The following ARMC2 variants were observed in gnomAD, a reference collection of about 807,000 sequenced individuals.
The protein encoded by ARMC2 is armadillo repeat-containing protein 2.
Under a neutral mutation model 90.3 loss-of-function variants are expected in ARMC2, and 67 were observed. The observed-to-expected ratio is 0.74, with a 90% CI of 0.61 to 0.91. The LOEUF (loss-of-function observed/expected upper bound fraction) is 0.91. ARMC2 is among the 40% of genes least tolerant of loss of function. The pLI is 0.00. For synonymous variants in ARMC2, 393 were observed against 393.0 expected, an observed-to-expected ratio of 1.00 and a Z score of 0.00; for missense variants, 920 against 1,030.9, an observed-to-expected ratio of 0.89 and a Z score of 1.47.
intron 11 of ARMC2, among the ~76,000 whole-genome samples, chr6:108,929,511 G>GCC (rs1775358179): frequency 6.6e-6 from 1 of 152,094 alleles, no homozygotes; most frequent in South Asian, 2.1e-4. Flanking sequence ...GTCTCGCTTT[G>GCC]TCACCCAGGC....
chr6:108,982,459 A>C, the ARMC2 span, among the ~76,000 whole-genome samples: 1 of 152,214 alleles, frequency 6.6e-6, no homozygotes, highest in Admixed American at 6.5e-5. Context: ...CAACATGTGA[A>C]TTTTGGGGGA....
chr6:108,990,455 G>C, the ARMC2 span, among the ~76,000 whole-genome samples: 5 of 152,328 alleles, frequency 3.3e-5, no homozygotes, highest in South Asian at 4.1e-4. Flanking sequence ...CTCCTGCCTA[G>C]CTAGGAAAGA....
At chr6:108,904,658 A>AG (rs1414503014) in intron 8 of ARMC2, among the ~76,000 whole-genome samples, 3 of 147,662 alleles carry the variant, frequency 2.0e-5, no homozygotes, top group Non-Finnish European at 4.5e-5. Context: ...AAAAAAAAAA[A>AG]AAGAAGAAGA....
chr6:108,928,505 A>G (rs1469743702), intron 11 of ARMC2, among the ~76,000 whole-genome samples: 2 of 152,164 alleles, frequency 1.3e-5, no homozygotes, highest in East Asian at 3.8e-4. Context: ...TGTGTGTTTA[A>G]TCTTCCTCTC....
At chr6:109,005,962 C>G in the ARMC2 span, among the ~76,000 whole-genome samples, 1 of 152,176 alleles carries the variant, frequency 6.6e-6, no homozygotes, top group Non-Finnish European at 1.5e-5. Flanking sequence ...CTGTGGCTGG[C>G]ACCCTAACAC....
chr6:108,987,822 T>TTTTG, the ARMC2 span, among the ~76,000 whole-genome samples: 1 of 151,394 alleles, frequency 6.6e-6, no homozygotes, highest in Admixed American at 6.6e-5. Context: ...TTTTTTTTTT[T>TTTTG]GATGCACACT....
intron 10 of ARMC2, among the ~76,000 whole-genome samples, chr6:108,921,886 T>G (rs964216830): frequency 6.6e-6 from 1 of 152,164 alleles, no homozygotes; most frequent in African/African-American, 2.4e-5. Context: ...TCCAGATGAT[T>G]GCAAAATGCT....
chr6:108,944,022 A>T (rs1776637770), intron 12 of ARMC2, among the ~76,000 whole-genome samples: 2 of 152,236 alleles, frequency 1.3e-5, no homozygotes, highest in Admixed American at 6.5e-5. Context: ...CAAGTGACTC[A>T]AATGAACAGC....
the ARMC2 span, chr6:108,990,505 C>G: frequency 1.3e-6 from 1 of 751,418 alleles, no homozygotes; most frequent in Non-Finnish European, 2.2e-6. Context: ...TTCTTTGAAG[C>G]ATAAATAGCA....
intron 11 of ARMC2, among the ~76,000 whole-genome samples, chr6:108,934,140 C>T (rs1183979128): frequency 3.3e-5 from 5 of 152,138 alleles, no homozygotes; most frequent in South Asian, 2.1e-4. Flanking sequence ...GGATTACAGG[C>T]GTGAGCCACC....
chr6:108,850,627 AT>A (rs1300574578), intron 1 of ARMC2, among the ~76,000 whole-genome samples: 1 of 152,256 alleles, frequency 6.6e-6, no homozygotes, highest in East Asian at 1.9e-4. Flanking sequence ...CAAAAATCAG[AT>A]TTGAAATAAG....
the ARMC2 span, among the ~76,000 whole-genome samples, chr6:109,008,270 G>A: frequency 0.1 from 15,227 of 152,162 alleles, 928 homozygotes; most frequent in Middle Eastern, 0.19. Flanking sequence ...TACTCAAAAA[G>A]AGAAAAGATC....
the ARMC2 span, chr6:109,009,337 G>C: frequency 6.8e-7 from 1 of 1,465,500 alleles, no homozygotes; most frequent in Non-Finnish European, 9.0e-7. Flanking sequence ...CCAGCGGCCC[G>C]CTCAGCCCCT....
rs1293445900 is a variant in ARMC2 at position 108,854,211 on chromosome 6, C to A, written c.-43-14C>A. The A allele has an allele frequency of 2.2e-6, 3 of 1,335,004 alleles. No individual in the cohort carries two copies. The highest frequency in any genetic ancestry group is 2.9e-5 in the African/African-American group (2 of 68,214). The allele number at this position is 1,335,004 out of a possible 1,614,324, so 82.7% of individuals were successfully genotyped here. ...GACAAAAATAATGATGGTTTTTGTA[C>A]CATGTATTTGCAGGGTGTGGTGTCT... On this transcript the variant is annotated splice_polypyrimidine_tract_variant and intron_variant, in intron 1 of 17. Transcript: ENST00000392644.
intron 5 of ARMC2, among the ~76,000 whole-genome samples, chr6:108,882,564 T>C (rs946351777): frequency 2.7e-5 from 4 of 150,750 alleles, no homozygotes; most frequent in African/African-American, 9.8e-5. Flanking sequence ...GAAAGAAAAA[T>C]GTATCAAGAG....
chr6:108,866,278 G>C (rs1775808024), intron 3 of ARMC2, among the ~76,000 whole-genome samples: 1 of 152,122 alleles, frequency 6.6e-6, no homozygotes, highest in Non-Finnish European at 1.5e-5. Context: ...TAGCTTTTCT[G>C]TTCCTATTAG....
the ARMC2 span, chr6:109,000,360 C>T: frequency 1.7e-6 from 1 of 572,054 alleles, no homozygotes; most frequent in South Asian, 4.8e-5. Flanking sequence ...AGAAAATGTG[C>T]ATCTGTGGGA....
chr6:109,051,144 T>G, the ARMC2 span, among the ~76,000 whole-genome samples: 1 of 149,816 alleles, frequency 6.7e-6, no homozygotes. Flanking sequence ...GGAAATCTCT[T>G]AAAAACAAAA....
chr6:108,892,906 G>C lies in ARMC2; in HGVS notation c.672-1561G>C, dbSNP rs558251247. On this transcript the variant is annotated intron_variant, in intron 5 of 17. Transcript: ENST00000392644. ...TGGGGGGCTCACTACACAGGAAGGA[G>C]AAGCCACGGGCACATACAGATGTTC... Among the ~76,000 whole-genome samples the C allele has an allele frequency of 3.3e-5, 5 of 152,336 alleles. No homozygotes were observed. In the East Asian group the frequency reaches 9.6e-4, roughly 29 times the overall value.
Sources: allele counts gnomAD v4.1 joint callset (sites outside exome capture counted in the v4.1 genomes callset), GRCh38; gene constraint gnomAD v4.1.1; transcripts MANE v1.5; gene names NCBI Gene and HGNC (gene_info 2026-07-23, HGNC 2026-07-21).